The following CD47 variants were observed in gnomAD, a reference collection of about 807,000 sequenced individuals.
CD47 encodes the protein leukocyte surface antigen CD47.
In CD47, 11 loss-of-function variants were observed where a neutral mutation model predicts 44.6. The ratio of observed to expected loss-of-function variants is 0.25; its 90% confidence interval spans 0.16 to 0.41. The LOEUF (loss-of-function observed/expected upper bound fraction) is 0.41, where lower values mean the gene tolerates loss of function less well. Ranked by LOEUF, CD47 falls within the 10% of genes least tolerant of loss-of-function variation. CD47 has a pLI of 1.00. For synonymous variants in CD47, 140 were observed against 136.3 expected, an observed-to-expected ratio of 1.03 and a Z score of -0.19; for missense variants, 306 against 386.7, an observed-to-expected ratio of 0.79 and a Z score of 1.75.
intron 2 of CD47, among the ~76,000 whole-genome samples, chr3:108,079,054 A>T (rs560090861): frequency 6.6e-6 from 1 of 152,114 alleles, no homozygotes; most frequent in South Asian, 2.1e-4. Context: ...ATCAAACCAA[A>T]CACCCCATTC....
chr3:108,089,793 T>TTAATTTA (rs2079593067), intron 1 of CD47, among the ~76,000 whole-genome samples: 1 of 152,110 alleles, frequency 6.6e-6, no homozygotes, highest in Non-Finnish European at 1.5e-5. Flanking sequence ...TAAAATCGAA[T>TTAATTTA]TAATTTAGCA....
rs953165481 is a variant in CD47, at chr3:108,045,948, T to C, written c.*1340A>G. 1.3e-5 allele frequency: 2 copies of C among 152,188 alleles called. No individual in the cohort carries two copies. The highest frequency in any genetic ancestry group is 2.9e-5 in the Non-Finnish European group (2 of 68,036). The allele number at this position is 152,188 out of a possible 1,614,324, so 9.4% of individuals were successfully genotyped here. A position where few individuals can be genotyped will look rare whatever the true frequency, so the allele number is the denominator to read the frequency against. Reference sequence around the variant, plus strand: ...CTAAAAGCACAAAATTAACCTTTGCTCTCCTGTAGGTACCCCACCTTTGTC... The same window carrying C: ...CTAAAAGCACAAAATTAACCTTTGCCCTCCTGTAGGTACCCCACCTTTGTC... On this transcript the variant is annotated 3_prime_UTR_variant, in exon 11 of 11. Coordinates refer to ENST00000361309, the MANE Select transcript of CD47 (RefSeq NM_001777.4).
intron 1 of CD47, among the ~76,000 whole-genome samples, chr3:108,082,626 C>T (rs1226696741): frequency 1.3e-5 from 2 of 151,740 alleles, no homozygotes; most frequent in Non-Finnish European, 2.9e-5. Flanking sequence ...AAAAGAGGTA[C>T]GAATGAAGAA....
At chr3:108,057,637 T>C in intron 6 of CD47, 68 bp from the exon 7 acceptor site, 1 of 811,734 alleles carries the variant, frequency 1.2e-6, no homozygotes, top group South Asian at 1.5e-5. Context: ...ACAGTAATAA[T>C]CCCAAGTTTT....
intron 2 of CD47, 68 bp downstream of exon 2, chr3:108,079,923 C>T: frequency 1.0e-6 from 1 of 975,468 alleles, no homozygotes; most frequent in Admixed American, 2.3e-5. Flanking sequence ...CCCCATTTGG[C>T]CTCCTCTCGA....
At chr3:108,056,580 T>C (rs1460317347) in intron 7 of CD47, among the ~76,000 whole-genome samples, 1 of 152,166 alleles carries the variant, frequency 6.6e-6, no homozygotes, top group East Asian at 1.9e-4. Flanking sequence ...TTTTACTCCA[T>C]TAATTTATAA....
chr3:108,047,176 T>G lies in CD47; in HGVS notation c.*112A>C. ...TCTCATAGGTGACAACCAGTTACTT[T>G]TCTTGTTTCTTCTCCCCAACAGTGA... is the stretch of plus-strand genomic sequence containing the variant. On this transcript the variant is annotated 3_prime_UTR_variant, in exon 11 of 11. Coordinates refer to ENST00000361309, the MANE Select transcript of CD47 (RefSeq NM_001777.4). The G allele has an allele frequency of 1.3e-6, 1 of 797,554 alleles. No homozygotes were observed. The highest frequency in any genetic ancestry group is 1.7e-5 in the African/African-American group (1 of 57,226). The allele number at this position is 797,554 out of a possible 1,614,324, so 49.4% of individuals were successfully genotyped here.
intron 1 of CD47, among the ~76,000 whole-genome samples, chr3:108,084,247 A>G (rs948081146): frequency 3.3e-5 from 5 of 152,004 alleles, no homozygotes; most frequent in African/African-American, 1.2e-4. Context: ...AGTCACCACC[A>G]ATCCCTTGTG....
intron 1 of CD47, among the ~76,000 whole-genome samples, chr3:108,081,003 T>C (rs746598886): frequency 2.0e-5 from 3 of 151,856 alleles, no homozygotes; most frequent in Non-Finnish European, 4.4e-5. Flanking sequence ...AGACATTTTG[T>C]ATGGGAGTCT....
chr3:108,049,093 CATCTCTCT>C (rs1460824794), intron 10 of CD47, among the ~76,000 whole-genome samples: 3 of 115,474 alleles, frequency 2.6e-5, no homozygotes, highest in Non-Finnish European at 3.6e-5. Context: ...GAGGACGAAA[CATCTCTCT>C]CTCTCTCTCT....
intron 8 of CD47, 79 bp from the exon 9 acceptor site, chr3:108,050,681 A>G: frequency 1.7e-6 from 1 of 572,866 alleles, no homozygotes; most frequent in South Asian, 2.4e-5. Flanking sequence ...ATATATGCTA[A>G]TATTTAAATT....
chr3:108,090,272 A>G (rs2079605411), intron 1 of CD47, among the ~76,000 whole-genome samples: 1 of 152,200 alleles, frequency 6.6e-6, no homozygotes, highest in Admixed American at 6.5e-5. Flanking sequence ...ACACGGCCGG[A>G]AGATTCTTCT....
intron 1 of CD47, among the ~76,000 whole-genome samples, chr3:108,086,559 G>A (rs2079525190): frequency 6.6e-6 from 1 of 152,152 alleles, no homozygotes. Context: ...AGTGAGATCT[G>A]ATGCACACTA....
intron 3 of CD47, among the ~76,000 whole-genome samples, chr3:108,063,748 C>T (rs181878666): frequency 1.6e-4 from 24 of 152,286 alleles, no homozygotes; most frequent in East Asian, 3.9e-4. Flanking sequence ...GACTTTCAGA[C>T]GGCTTGGCAA....
At chr3:108,050,921 G>A in intron 8 of CD47, 1 of 362,020 alleles carries the variant, frequency 2.8e-6, no homozygotes, top group Non-Finnish European at 5.4e-6. Context: ...AGCAACAACA[G>A]AATAAATAAC....
intron 1 of CD47, among the ~76,000 whole-genome samples, chr3:108,083,609 T>C (rs1171754419): frequency 1.3e-5 from 2 of 152,060 alleles, no homozygotes; most frequent in South Asian, 2.1e-4. Flanking sequence ...GAAGAGTAAT[T>C]GGTCTTACAG....
intron 1 of CD47, among the ~76,000 whole-genome samples, chr3:108,086,098 A>C (rs2079515880): frequency 6.6e-6 from 1 of 152,152 alleles, no homozygotes. Context: ...CAGATAAAGA[A>C]AGTGAAGAAC....
Position 108,090,994 on chromosome 3 carries a change from C to G in CD47, c.-86G>C. On this transcript the variant is annotated 5_prime_UTR_variant, in exon 1 of 11. Coordinates refer to ENST00000361309, the MANE Select transcript of CD47 (RefSeq NM_001777.4). The stretch of plus-strand genomic sequence containing the variant: ...CGCCGTTACAGGCAGGACCGACCGC[C>G]GCCGCGCGTCACAGGCAGGACCCAC... 5 of 966,760 alleles carry G rather than the reference C, an allele frequency of 5.2e-6. 1 individual carries two copies. Among genetic ancestry groups the G allele is most frequent in the Middle Eastern group, 3.6e-4 (1 of 2,758 alleles). The allele number at this position is 966,760 out of a possible 1,614,324, so 59.9% of individuals were successfully genotyped here.
chr3:108,058,572 C>A, intron 5 of CD47, 143 bp from the exon 6 acceptor site: 1 of 546,168 alleles, frequency 1.8e-6, no homozygotes, highest in Non-Finnish European at 3.2e-6. Flanking sequence ...GATGTTAACT[C>A]AGTGATCTAA....
Sources: gnomAD v4.1 joint callset for allele counts (sites outside exome capture counted in the v4.1 genomes callset) on GRCh38, gnomAD v4.1.1 for gene constraint, MANE v1.5 for transcripts, NCBI Gene and HGNC (gene_info 2026-07-23, HGNC 2026-07-21) for gene names.